Variants in STAU2 observed in about 807,000 individuals in gnomAD.
The protein encoded by STAU2 is staufen double-stranded RNA binding protein 2.
STAU2 carries 20 observed loss-of-function variants against 65.9 expected under a neutral mutation model. The observed-to-expected ratio is 0.30, with a 90% confidence interval of 0.21 to 0.44. The LOEUF (loss-of-function observed/expected upper bound fraction) is 0.44. Ranked by LOEUF, STAU2 falls within the 20% of genes least tolerant of loss-of-function variation. STAU2 has a pLI of 1.00. For synonymous variants in STAU2, 232 were observed against 233.9 expected, an observed-to-expected ratio of 0.99 and a Z score of 0.07; for missense variants, 558 against 683.9, an observed-to-expected ratio of 0.82 and a Z score of 2.05.
intron 3 of STAU2, 102 bp from the exon 4 acceptor site, chr8:73,709,264 T>G: frequency 9.5e-7 from 1 of 1,053,286 alleles, no homozygotes; most frequent in Non-Finnish European, 1.3e-6. Context: ...TTAAATTATT[T>G]TCATGAATTT....
chr8:73,563,254 C>T (rs1256875321), intron 12 of STAU2, among the ~76,000 whole-genome samples: 1 of 152,116 alleles, frequency 6.6e-6, no homozygotes, highest in Non-Finnish European at 1.5e-5. Flanking sequence ...ATCCTAGCCC[C>T]GTGGTGTCAG....
At chr8:73,433,894 C>T (rs1041445960) in intron 13 of STAU2, among the ~76,000 whole-genome samples, 8 of 151,796 alleles carry the variant, frequency 5.3e-5, no homozygotes, top group East Asian at 1.9e-4. Context: ...TGCTGAGGCA[C>T]GAGTCCACAC....
intron 3 of STAU2, among the ~76,000 whole-genome samples, chr8:73,718,220 C>G (rs1332560783): frequency 6.6e-6 from 1 of 152,134 alleles, no homozygotes; most frequent in Non-Finnish European, 1.5e-5. Context: ...GTTACTGATT[C>G]ATTAACATTG....
At chr8:73,650,104 G>A (rs1815747227) in intron 6 of STAU2, among the ~76,000 whole-genome samples, 1 of 151,416 alleles carries the variant, frequency 6.6e-6, no homozygotes. Flanking sequence ...CAGATATGAT[G>A]GGGATAACTG....
intron 3 of STAU2, among the ~76,000 whole-genome samples, chr8:73,735,520 T>G (rs777228685): frequency 2.6e-5 from 4 of 152,214 alleles, no homozygotes; most frequent in Non-Finnish European, 5.9e-5. Flanking sequence ...ACCAACATAA[T>G]GCTCAAAGGA....
At chr8:73,713,107 C>T (rs990337847) in intron 3 of STAU2, among the ~76,000 whole-genome samples, 1 of 152,162 alleles carries the variant, frequency 6.6e-6, no homozygotes. Context: ...ATTCTACCTT[C>T]ACTGATACGA....
intron 3 of STAU2, among the ~76,000 whole-genome samples, chr8:73,737,983 A>G (rs1806564832): frequency 6.6e-6 from 1 of 152,172 alleles, no homozygotes; most frequent in African/African-American, 2.4e-5. Context: ...CACCTACTGA[A>G]GCTGTATCAT....
chr8:73,509,467 A>G (rs756271752), intron 13 of STAU2, among the ~76,000 whole-genome samples: 11 of 152,218 alleles, frequency 7.2e-5, no homozygotes, highest in Non-Finnish European at 1.3e-4. Context: ...ATTTTAAAAT[A>G]AATTTTTAAA....
intron 1 of STAU2, 95 bp downstream of exon 1, chr8:73,746,688 G>T: frequency 1.4e-6 from 1 of 740,104 alleles, no homozygotes; most frequent in Non-Finnish European, 1.8e-6. Context: ...GGTTCCCCGT[G>T]CTGCGGAACT....
chr8:73,494,762 C>T (rs1220618956), intron 13 of STAU2, among the ~76,000 whole-genome samples: 1 of 151,592 alleles, frequency 6.6e-6, no homozygotes, highest in Non-Finnish European at 1.5e-5. Context: ...TGATCAACAA[C>T]AATAAATTGT....
intron 11 of STAU2, among the ~76,000 whole-genome samples, chr8:73,586,201 C>T (rs116222524): frequency 0.011 from 1,702 of 152,234 alleles, 32 homozygotes; most frequent in African/African-American, 0.038. Context: ...GAAACCTAAC[C>T]TGCAGAGGAA....
chr8:73,713,638 A>C (rs1178785368), intron 3 of STAU2, among the ~76,000 whole-genome samples: 1 of 152,082 alleles, frequency 6.6e-6, no homozygotes, highest in African/African-American at 2.4e-5. Flanking sequence ...AAGCACATAA[A>C]ACAACATAAC....
chr8:73,632,342 C>T (rs1166306298), intron 6 of STAU2, among the ~76,000 whole-genome samples: 1 of 150,922 alleles, frequency 6.6e-6, no homozygotes, highest in Non-Finnish European at 1.5e-5. Context: ...GGATGTCAAG[C>T]AAACCAATAA....
intron 11 of STAU2, among the ~76,000 whole-genome samples, chr8:73,583,124 T>C (rs2128962812): frequency 6.6e-6 from 1 of 151,998 alleles, no homozygotes; most frequent in Middle Eastern, 3.4e-3. Context: ...ATGTAAGCTC[T>C]AGCTAGGTGG....
intron 13 of STAU2, among the ~76,000 whole-genome samples, chr8:73,495,130 A>G (rs1399557837): frequency 1.3e-5 from 2 of 151,538 alleles, no homozygotes; most frequent in African/African-American, 2.4e-5. Flanking sequence ...TCCATTTTCA[A>G]TGGAAATAAT....
chr8:73,663,100 A>G (rs575294692), intron 6 of STAU2, among the ~76,000 whole-genome samples: 2 of 152,272 alleles, frequency 1.3e-5, no homozygotes, highest in Non-Finnish European at 2.9e-5. Context: ...AAAGGGCCCA[A>G]TATAAAATAT....
chr8:73,527,890 T>TCAGGAAAATTCAAAAATTTA, intron 13 of STAU2: 1 of 813,962 alleles, frequency 1.2e-6, no homozygotes, highest in Non-Finnish European at 1.9e-6. Context: ...GGTCTAGATT[T>TCAGGAAAATTCAAAAATTTA]CACAGAACAC....
chr8:73,598,258 C>T (rs568634078), intron 10 of STAU2, among the ~76,000 whole-genome samples: 2 of 139,646 alleles, frequency 1.4e-5, no homozygotes, highest in African/African-American at 5.4e-5. Context: ...GATGGAGTCT[C>T]ACTCTGTCAC....
intron 4 of STAU2, among the ~76,000 whole-genome samples, chr8:73,697,974 G>A (rs1312528965): frequency 2.6e-5 from 4 of 152,016 alleles, no homozygotes; most frequent in Admixed American, 6.6e-5. Context: ...CAGCTACTTG[G>A]GAGGCTGAGG....
Sources: allele counts gnomAD v4.1 joint callset (sites outside exome capture counted in the v4.1 genomes callset), GRCh38; gene constraint gnomAD v4.1.1; transcripts MANE v1.5; gene names NCBI Gene and HGNC (gene_info 2026-07-23, HGNC 2026-07-21).